Variants in USP33 observed in about 807,000 individuals in gnomAD.
USP33 encodes the protein ubiquitin carboxyl-terminal hydrolase 33.
Under a neutral mutation model 124.2 loss-of-function variants are expected in USP33, and 46 were observed. The ratio of observed to expected loss-of-function variants is 0.37; its 90% CI spans 0.29 to 0.47. The LOEUF (loss-of-function observed/expected upper bound fraction) is 0.47. USP33 is among the 20% of genes least tolerant of loss of function. The probability of loss-of-function intolerance (pLI) is 0.99; values close to 1 mark genes in which losing one functional copy is unlikely to be tolerated. For missense variants in USP33, 851 were observed against 1,070.6 expected, an observed-to-expected ratio of 0.79 and a Z score of 2.86; for synonymous variants, 350 against 352.3, an observed-to-expected ratio of 0.99 and a Z score of 0.07.
chr1:77,708,049 T>A (rs1369530748), intron 21 of USP33, among the ~76,000 whole-genome samples: 1 of 152,230 alleles, frequency 6.6e-6, no homozygotes, highest in East Asian at 1.9e-4. Flanking sequence ...CACATACTGG[T>A]GCAGGAGCTA....
chr1:77,737,804 A>C (rs150761660), intron 5 of USP33, among the ~76,000 whole-genome samples: 16 of 152,344 alleles, frequency 1.1e-4, no homozygotes, highest in African/African-American at 3.8e-4. Flanking sequence ...TAGCTTATTT[A>C]ACTTACTTCT....
Position 77,736,166 on chromosome 1 carries a change from AC to A in USP33, c.352-9del, listed in dbSNP as rs1305279997. The A allele has an allele frequency of 6.3e-7, 1 of 1,583,362 alleles. No individual in the cohort carries two copies. ...ACTGGGTATTTTAAAATCCTTGATA[AC>A]AAAAAAAGATAGCACACTTGAACAA... On this transcript the variant is annotated splice_polypyrimidine_tract_variant and intron_variant, in intron 5 of 23. Coordinates refer to ENST00000370794, the MANE Select transcript of USP33 (RefSeq NM_201624.3).
intron 15 of USP33, 192 bp from the exon 16 acceptor site, chr1:77,718,833 G>C (rs1676218228): frequency 2.1e-6 from 1 of 487,194 alleles, no homozygotes; most frequent in Non-Finnish European, 3.7e-6. Flanking sequence ...GGAGGCTGAG[G>C]CAGGAGAATC....
At chr1:77,715,990 ATT>A in intron 17 of USP33, 122 bp from the exon 18 acceptor site, 1 of 1,077,866 alleles carries the variant, frequency 9.3e-7, no homozygotes, top group Non-Finnish European at 1.3e-6. Context: ...TTATGCTTGT[ATT>A]TTTTTTTCAG....
intron 19 of USP33, chr1:77,713,499 C>T: frequency 2.2e-6 from 1 of 450,350 alleles, no homozygotes; most frequent in Non-Finnish European, 3.8e-6. Context: ...ATCCTCCCAC[C>T]CCAGCGTCCT....
At position 77,722,004 on chromosome 1, in the gene USP33, C is replaced by G; in HGVS notation, c.1562+20G>C. On this transcript the variant is annotated intron_variant, in intron 13 of 23. Coordinates refer to ENST00000370794, the MANE Select transcript of USP33 (RefSeq NM_201624.3). ...CAGCAGGTTTAACAATCATGTAATA[C>G]AAAGAAAATAAATACATACCTCTTC... The G allele has an allele frequency of 6.2e-7, 1 of 1,607,732 alleles. No individual in the cohort carries two copies. Among genetic ancestry groups the G allele is most frequent in the Non-Finnish European group, 8.5e-7 (1 of 1,177,734 alleles).
chr1:77,721,030 G>C, intron 15 of USP33, 142 bp downstream of exon 15: 1 of 854,330 alleles, frequency 1.2e-6, no homozygotes. Flanking sequence ...TCACAAAACA[G>C]CTAATCTCTA....
intron 8 of USP33, 56 bp from the exon 9 acceptor site, chr1:77,729,994 A>G (rs574355497): frequency 2.1e-6 from 3 of 1,419,266 alleles, no homozygotes; most frequent in Non-Finnish European, 2.9e-6. Context: ...TTTTCATTTT[A>G]AAAATTAACT....
At chr1:77,758,311 G>T (rs1257819757) in intron 1 of USP33, among the ~76,000 whole-genome samples, 1 of 150,732 alleles carries the variant, frequency 6.6e-6, no homozygotes, top group Admixed American at 6.7e-5. Flanking sequence ...CTCCCAAGTA[G>T]CTGGGACTAC....
At chr1:77,724,201 G>C (rs967864240) in intron 11 of USP33, among the ~76,000 whole-genome samples, 2 of 152,118 alleles carry the variant, frequency 1.3e-5, no homozygotes, top group Non-Finnish European at 2.9e-5. Context: ...CCTGACTTGA[G>C]AGCAATTCTG....
chr1:77,719,025 TA>T (rs754449634), intron 15 of USP33, among the ~76,000 whole-genome samples: 5 of 152,028 alleles, frequency 3.3e-5, no homozygotes, highest in Non-Finnish European at 7.4e-5. Context: ...ATGTATACAT[TA>T]AATATCTTAA....
At chr1:77,743,511 GTCAC>G (rs771843416) in intron 1 of USP33, among the ~76,000 whole-genome samples, 11 of 152,004 alleles carry the variant, frequency 7.2e-5, no homozygotes, top group Non-Finnish European at 1.6e-4. Flanking sequence ...GCCTCATTCT[GTCAC>G]TCACACTGGA....
chr1:77,700,933 A>G (rs1246717256), intron 22 of USP33, among the ~76,000 whole-genome samples: 1 of 152,178 alleles, frequency 6.6e-6, no homozygotes, highest in African/African-American at 2.4e-5. Flanking sequence ...TCCTGACGTC[A>G]GGTGATCCAC....
chr1:77,697,742 G>A, intron 23 of USP33, 121 bp downstream of exon 23: 3 of 1,072,426 alleles, frequency 2.8e-6, no homozygotes. Flanking sequence ...ACTTGCCCTA[G>A]TTAATGTATG....
chr1:77,713,992 A>G (rs922953684), intron 19 of USP33, among the ~76,000 whole-genome samples: 12 of 152,208 alleles, frequency 7.9e-5, no homozygotes, highest in African/African-American at 2.9e-4. Context: ...TTTCACTACA[A>G]ACATAATTAC....
intron 21 of USP33, among the ~76,000 whole-genome samples, chr1:77,707,178 T>C (rs1376875464): frequency 1.3e-5 from 2 of 152,202 alleles, no homozygotes; most frequent in African/African-American, 2.4e-5. Context: ...TATAACAAAA[T>C]GCCACAAATT....
At chr1:77,754,984 T>C (rs1008276706) in intron 1 of USP33, among the ~76,000 whole-genome samples, 2 of 152,238 alleles carry the variant, frequency 1.3e-5, no homozygotes, top group African/African-American at 4.8e-5. Flanking sequence ...TATGGTCAAT[T>C]CTAGCCTTAT....
chr1:77,714,535 G>A (rs1006253358), intron 19 of USP33, 79 bp downstream of exon 19: 3 of 1,437,610 alleles, frequency 2.1e-6, no homozygotes, highest in Non-Finnish European at 2.8e-6. Context: ...AGTGGGAGAG[G>A]AAAATTCTTG....
intron 21 of USP33, among the ~76,000 whole-genome samples, chr1:77,708,203 C>T (rs748709499): frequency 6.6e-6 from 1 of 152,176 alleles, no homozygotes; most frequent in Admixed American, 6.5e-5. Flanking sequence ...CATATACTCC[C>T]TTCTGTGAAG....
Sources: allele counts gnomAD v4.1 joint callset (sites outside exome capture counted in the v4.1 genomes callset), GRCh38; gene constraint gnomAD v4.1.1; transcripts MANE v1.5; gene names NCBI Gene and HGNC (gene_info 2026-07-23, HGNC 2026-07-21).